The following NXPH1 variants were observed in gnomAD, a reference collection of about 807,000 sequenced individuals.
NXPH1 encodes neurexophilin 1, also known as neurexophilin-1.
A neutral mutation model predicts 23.7 loss-of-function variants in NXPH1; 5 were observed. The observed-to-expected ratio is 0.21, with a 90% CI of 0.11 to 0.44. The LOEUF (loss-of-function observed/expected upper bound fraction) is 0.44, where lower values mean the gene tolerates loss of function less well. Ranked by LOEUF, NXPH1 falls within the 20% of genes least tolerant of loss-of-function variation. The probability of loss-of-function intolerance (pLI) is 0.99; values close to 1 mark genes in which losing one functional copy is unlikely to be tolerated. For synonymous variants in NXPH1, 144 were observed against 122.2 expected (o/e 1.18, Z -1.18); for missense variants, 324 against 321.6 (o/e 1.01, Z -0.06).
chr7:8,721,038 G>C (rs891275480), intron 2 of NXPH1, among the ~76,000 whole-genome samples: 6 of 152,098 alleles, frequency 3.9e-5, no homozygotes, highest in African/African-American at 1.4e-4. Context: ...AGGCATAATG[G>C]GGTAACAGAT....
At chr7:8,721,405 G>A (rs904856219) in intron 2 of NXPH1, among the ~76,000 whole-genome samples, 4 of 152,172 alleles carry the variant, frequency 2.6e-5, no homozygotes, top group South Asian at 4.2e-4. Context: ...ATCTAAATAC[G>A]TTTTTGTGCA....
chr7:8,706,567 G>A (rs1482872712), intron 2 of NXPH1, among the ~76,000 whole-genome samples: 2 of 152,144 alleles, frequency 1.3e-5, no homozygotes, highest in Non-Finnish European at 2.9e-5. Context: ...AACAGGCTCA[G>A]AACAACCATG....
chr7:8,627,997 T>TG (rs1403998835), intron 2 of NXPH1, among the ~76,000 whole-genome samples: 6 of 152,158 alleles, frequency 3.9e-5, no homozygotes, highest in Non-Finnish European at 7.4e-5. Flanking sequence ...ATGTCTAGAC[T>TG]GGGCAGGTTA....
intron 2 of NXPH1, among the ~76,000 whole-genome samples, chr7:8,550,982 T>C (rs6952423): frequency 0.058 from 8,826 of 151,506 alleles, 832 homozygotes; most frequent in African/African-American, 0.2. Flanking sequence ...ATTTTTAGGA[T>C]AGTCTTTCTT....
At chr7:8,446,830 C>T (rs377314836) in intron 2 of NXPH1, among the ~76,000 whole-genome samples, 13 of 151,690 alleles carry the variant, frequency 8.6e-5, no homozygotes, top group African/African-American at 2.4e-4. Flanking sequence ...GAATTATACA[C>T]GGTTAAAAAT....
chr7:8,751,255 G>C lies in NXPH1; in HGVS notation c.302G>C (p.Arg101Pro), dbSNP rs373820072. 6.2e-7 allele frequency: 1 copy of C among 1,613,870 alleles called. No individual in the cohort carries two copies. Among genetic ancestry groups the C allele is most frequent in the Non-Finnish European group, 8.5e-7 (1 of 1,179,832 alleles). The change falls in exon 3 of 3, where the codon CGG (arginine) becomes CCG (proline). Residue 101 changes from arginine to proline, a missense_variant. Coordinates refer to ENST00000405863, the MANE Select transcript of NXPH1 (RefSeq NM_152745.3). This position sits in a 1 kb window ranked among gnomAD's most constrained non-coding sequence, Gnocchi z 4.5. ...LRNSTDLQEP[R>P]PRAKRRPIVK... ...AACTCCACAGACCTTCAAGAGCCTC[G>C]GCCCAGGGCCAAGAGAAGGCCCATT...
At chr7:8,631,790 T>C (rs573308804) in intron 2 of NXPH1, among the ~76,000 whole-genome samples, 1 of 152,224 alleles carries the variant, frequency 6.6e-6, no homozygotes, top group Admixed American at 6.5e-5. Context: ...TCTATTCTAT[T>C]CTTTAATTTC....
chr7:8,443,560 G>T (rs1037124583), intron 2 of NXPH1, among the ~76,000 whole-genome samples: 1 of 152,242 alleles, frequency 6.6e-6, no homozygotes, highest in Admixed American at 6.5e-5. Context: ...CGCCTTTAGC[G>T]GCGCGCAGGG....
Position 8,751,800 on chromosome 7 carries a change from A to C in NXPH1, c.*31A>C. The C allele has an allele frequency of 6.4e-7, 1 of 1,568,454 alleles. No homozygotes were observed. The highest frequency in any genetic ancestry group is 1.8e-5 in the Admixed American group (1 of 55,460). The stretch of plus-strand genomic sequence containing the variant: ...AACATGGGGGTGAGACTGAAGCCTG[A>C]GGAATTAAAGGTCATATGACAGGGC... On this transcript the variant is annotated 3_prime_UTR_variant, in exon 3 of 3. Coordinates refer to ENST00000405863, the MANE Select transcript of NXPH1 (RefSeq NM_152745.3). This position sits in a 1 kb window ranked among gnomAD's most constrained non-coding sequence, Gnocchi z 4.5.
chr7:8,569,398 GA>G (rs1208892860), intron 2 of NXPH1, among the ~76,000 whole-genome samples: 2 of 151,862 alleles, frequency 1.3e-5, no homozygotes, highest in East Asian at 3.9e-4. Flanking sequence ...AGGAAAAATA[GA>G]CAAGTATTAG....
chr7:8,517,422 A>G (rs2128615020), intron 2 of NXPH1, among the ~76,000 whole-genome samples: 1 of 152,290 alleles, frequency 6.6e-6, no homozygotes, highest in African/African-American at 2.4e-5. Flanking sequence ...TGGCTGAAGC[A>G]TAGAAGCTGG....
intron 2 of NXPH1, among the ~76,000 whole-genome samples, chr7:8,473,554 T>G (rs11486767): frequency 0.013 from 1,907 of 152,230 alleles, 33 homozygotes; most frequent in African/African-American, 0.042. Context: ...AACTTATTAT[T>G]GTACTGTATT....
intron 2 of NXPH1, among the ~76,000 whole-genome samples, chr7:8,615,830 C>T (rs1316651407): frequency 6.6e-6 from 1 of 151,982 alleles, no homozygotes; most frequent in Non-Finnish European, 1.5e-5. Context: ...ACAAGTGCTA[C>T]ATAAATGACA....
intron 2 of NXPH1, among the ~76,000 whole-genome samples, chr7:8,550,562 G>C (rs1818262605): frequency 6.6e-6 from 1 of 151,348 alleles, no homozygotes; most frequent in African/African-American, 2.4e-5. Flanking sequence ...TTTAAAAATA[G>C]TATTACTTTA....
At chr7:8,470,384 G>C (rs904207917) in intron 2 of NXPH1, among the ~76,000 whole-genome samples, 7 of 152,124 alleles carry the variant, frequency 4.6e-5, no homozygotes, top group African/African-American at 1.7e-4. Flanking sequence ...TCTTGAAGAC[G>C]CCTGAATTTT....
At chr7:8,513,153 C>G (rs530963617) in intron 2 of NXPH1, among the ~76,000 whole-genome samples, 21 of 152,158 alleles carry the variant, frequency 1.4e-4, no homozygotes, top group African/African-American at 5.1e-4. Flanking sequence ...GAGAACGTTA[C>G]TTGGGACTGG....
At chr7:8,709,863 G>A (rs1427145871) in intron 2 of NXPH1, among the ~76,000 whole-genome samples, 28 of 152,132 alleles carry the variant, frequency 1.8e-4, no homozygotes. Flanking sequence ...GCTAATGTTA[G>A]GCTATATATC....
At chr7:8,657,388 T>G (rs1820600117) in intron 2 of NXPH1, among the ~76,000 whole-genome samples, 1 of 152,220 alleles carries the variant, frequency 6.6e-6, no homozygotes, top group Non-Finnish European at 1.5e-5. Context: ...AGGTTATTTT[T>G]GATAATTCCT....
At chr7:8,497,409 T>C (rs1243280092) in intron 2 of NXPH1, among the ~76,000 whole-genome samples, 1 of 152,216 alleles carries the variant, frequency 6.6e-6, no homozygotes, top group Non-Finnish European at 1.5e-5. Context: ...ATGGTATTTC[T>C]AGTTCAAGAT....
Sources: gnomAD v4.1 joint callset for allele counts (sites outside exome capture counted in the v4.1 genomes callset) on GRCh38, gnomAD v4.1.1 for gene constraint, Gnocchi (gnomAD v3.1) non-coding constraint, MANE v1.5 for transcripts, NCBI Gene and HGNC (gene_info 2026-07-23, HGNC 2026-07-21) for gene names.